Variants in DCDC1 observed in about 807,000 individuals in gnomAD.
DCDC1 encodes doublecortin domain containing 1.
Under a neutral mutation model 178.3 loss-of-function variants are expected in DCDC1, and 200 were observed. The observed-to-expected ratio is 1.12, with a 90% CI of 1.00 to 1.26. The LOEUF (loss-of-function observed/expected upper bound fraction) is 1.26. Ranked by LOEUF, DCDC1 falls within the 50% of genes most tolerant of loss-of-function variation. The pLI is 0.00. For synonymous variants in DCDC1, 690 were observed against 604.8 expected (o/e 1.14, Z -2.07); for missense variants, 1,983 against 1,749.2 (o/e 1.13, Z -2.38).
At chr11:31,213,167 T>C (rs984573201) in intron 9 of DCDC1, among the ~76,000 whole-genome samples, 2 of 113,258 alleles carry the variant, frequency 1.8e-5, no homozygotes, top group African/African-American at 7.2e-5. Flanking sequence ...CTCTCTGCTT[T>C]CTTTACCAGG....
Position 30,900,574 on chromosome 11 carries a change from A to G in DCDC1, c.4511-76T>C, listed in dbSNP as rs1302132124. On this transcript the variant is annotated intron_variant, in intron 32 of 38. Transcript: ENST00000684477. The stretch of plus-strand genomic sequence containing the variant: ...TTTGTTTTCTGAATTTGTTTATTCA[A>G]AATATTTTATTATTCATTAATAACT... 25 of 1,268,950 alleles carry G rather than the reference A, an allele frequency of 2.0e-5. No individual in the cohort carries two copies. The East Asian group carries it at 7.2e-4, about 36-fold the overall frequency. 78.6% of individuals were successfully genotyped at this position (1,268,950 alleles called of 1,614,324 possible). A position where few individuals can be genotyped will look rare whatever the true frequency, so the allele number is the denominator to read the frequency against.
chr11:30,900,252 T>C (rs1944559747), intron 33 of DCDC1, 94 bp downstream of exon 33: 2 of 1,122,444 alleles, frequency 1.8e-6, no homozygotes, highest in Non-Finnish European at 2.4e-6. Flanking sequence ...GTTGATATTA[T>C]ACACATTTAA....
chr11:31,175,369 C>T (rs796756331), intron 9 of DCDC1, among the ~76,000 whole-genome samples: 3 of 152,324 alleles, frequency 2.0e-5, no homozygotes, highest in African/African-American at 7.2e-5. Context: ...GACCAAGACC[C>T]TAGCATCTGA....
intron 7 of DCDC1, among the ~76,000 whole-genome samples, chr11:31,268,137 G>A (rs1332836693): frequency 6.6e-6 from 1 of 152,038 alleles, no homozygotes; most frequent in African/African-American, 2.4e-5. Flanking sequence ...TTAATATTAT[G>A]AAGTTATTAC....
intron 9 of DCDC1, among the ~76,000 whole-genome samples, chr11:31,147,302 C>T (rs376893984): frequency 2.2e-4 from 34 of 152,122 alleles, no homozygotes; most frequent in African/African-American, 7.0e-4. Flanking sequence ...TGGGCTGAGC[C>T]TTCTAAGTTT....
chr11:31,270,503 T>C (rs1945476240), intron 7 of DCDC1, among the ~76,000 whole-genome samples: 1 of 152,184 alleles, frequency 6.6e-6, no homozygotes, highest in Non-Finnish European at 1.5e-5. Flanking sequence ...CTGAACTCCT[T>C]TATTCATTTC....
intron 6 of DCDC1, among the ~76,000 whole-genome samples, chr11:31,304,963 G>A (rs1948357027): frequency 6.6e-6 from 1 of 151,978 alleles, no homozygotes; most frequent in African/African-American, 2.4e-5. Context: ...TTCCACTGAG[G>A]AAAGAAAAAT....
chr11:30,866,061 A>C (rs1940949321), intron 38 of DCDC1, among the ~76,000 whole-genome samples: 1 of 152,182 alleles, frequency 6.6e-6, no homozygotes, highest in Non-Finnish European at 1.5e-5. Context: ...ACACTAGACT[A>C]GGGTGGGCCC....
intron 36 of DCDC1, among the ~76,000 whole-genome samples, chr11:30,889,232 C>G (rs1038089945): frequency 6.6e-6 from 1 of 152,070 alleles, no homozygotes; most frequent in Non-Finnish European, 1.5e-5. Flanking sequence ...GAGAGAGAGC[C>G]GCCTTGGTGC....
chr11:31,093,122 T>C (rs531161086), intron 16 of DCDC1, among the ~76,000 whole-genome samples: 1 of 152,318 alleles, frequency 6.6e-6, no homozygotes, highest in South Asian at 2.1e-4. Context: ...AAAGGGCAAA[T>C]AGTTAACATA....
intron 2 of DCDC1, among the ~76,000 whole-genome samples, chr11:31,329,007 C>T (rs1218430176): frequency 3.8e-5 from 4 of 106,452 alleles, no homozygotes; most frequent in Non-Finnish European, 7.0e-5. Context: ...TTGGAACTTA[C>T]CTTCCTCCTG....
At chr11:31,005,450 T>C (rs1377964189) in intron 20 of DCDC1, among the ~76,000 whole-genome samples, 1 of 152,230 alleles carries the variant, frequency 6.6e-6, no homozygotes, top group Non-Finnish European at 1.5e-5. Context: ...CACATATTCA[T>C]AGGATCCAAC....
chr11:31,206,833 T>G (rs1050518473), intron 9 of DCDC1, among the ~76,000 whole-genome samples: 2 of 152,178 alleles, frequency 1.3e-5, no homozygotes, highest in Non-Finnish European at 1.5e-5. Context: ...GCCCTTCCAT[T>G]ATAAATGTAG....
intron 3 of DCDC1, among the ~76,000 whole-genome samples, chr11:31,310,308 AT>A (rs11407483): frequency 8.2e-3 from 439 of 53,862 alleles, no homozygotes; most frequent in Non-Finnish European, 0.01. Flanking sequence ...GTAATTCTTG[AT>A]TTTTTTTTTT....
At chr11:31,303,894 A>C (rs1948287782) in intron 6 of DCDC1, among the ~76,000 whole-genome samples, 1 of 152,154 alleles carries the variant, frequency 6.6e-6, no homozygotes, top group Non-Finnish European at 1.5e-5. Context: ...TTATCAGTCA[A>C]AAACCATTGC....
chr11:30,920,970 AC>A, intron 24 of DCDC1, 35 bp from the exon 25 acceptor site: 1 of 1,578,464 alleles, frequency 6.3e-7, no homozygotes, highest in Non-Finnish European at 8.6e-7. Context: ...AAGACATATT[AC>A]TTACAATTGC....
At chr11:31,121,583 C>T (rs944833127) in intron 11 of DCDC1, among the ~76,000 whole-genome samples, 5 of 151,248 alleles carry the variant, frequency 3.3e-5, no homozygotes, top group African/African-American at 4.9e-5. Flanking sequence ...CAATGCAAGA[C>T]GTGATAAGGA....
chr11:31,082,474 C>T (rs1316298221), intron 17 of DCDC1, among the ~76,000 whole-genome samples: 1 of 151,910 alleles, frequency 6.6e-6, no homozygotes, highest in Non-Finnish European at 1.5e-5. Flanking sequence ...GGGAAGCTTG[C>T]TAAGTAGTGT....
intron 1 of DCDC1, among the ~76,000 whole-genome samples, chr11:31,364,725 CTGAGT>C (rs1591873923): frequency 6.6e-6 from 1 of 151,744 alleles, no homozygotes; most frequent in African/African-American, 2.4e-5. Context: ...AGATAATAGA[CTGAGT>C]TAAGACAACC....
Sources: allele counts gnomAD v4.1 joint callset (sites outside exome capture counted in the v4.1 genomes callset), GRCh38; gene constraint gnomAD v4.1.1; transcripts MANE v1.5; gene names NCBI Gene and HGNC (gene_info 2026-07-23, HGNC 2026-07-21).